The following HTR4 variants were observed in gnomAD, a reference collection of about 807,000 sequenced individuals.
The protein encoded by HTR4 is 5-hydroxytryptamine receptor 4.
A neutral mutation model predicts 36.8 loss-of-function variants in HTR4; 16 were observed. The observed-to-expected ratio is 0.43, with a 90% CI of 0.29 to 0.66. HTR4 has a LOEUF of 0.66. Among genes scored for constraint, HTR4 ranks in the 30% least tolerant of loss-of-function variants. HTR4 has a pLI of 0.13. For missense variants in HTR4, 438 were observed against 490.9 expected, an observed-to-expected ratio of 0.89 and a Z score of 1.02; for synonymous variants, 189 against 185.1, an observed-to-expected ratio of 1.02 and a Z score of -0.17.
chr5:148,575,488 G>A (rs944693014), intron 2 of HTR4, among the ~76,000 whole-genome samples: 2 of 152,010 alleles, frequency 1.3e-5, no homozygotes, highest in Non-Finnish European at 2.9e-5. Context: ...ATTATGAACT[G>A]CTGTGGGAGC....
chr5:148,554,071 T>C (rs970661422), intron 2 of HTR4, among the ~76,000 whole-genome samples: 6 of 152,166 alleles, frequency 3.9e-5, no homozygotes, highest in African/African-American at 1.2e-4. Flanking sequence ...AGTTTGTTGT[T>C]GTTGTTGTTG....
intron 1 of HTR4, among the ~76,000 whole-genome samples, chr5:148,652,862 C>A (rs1396244247): frequency 6.6e-6 from 1 of 152,074 alleles, no homozygotes; most frequent in Non-Finnish European, 1.5e-5. Context: ...GCTAATGCTG[C>A]AAAACCTGTT....
At chr5:148,509,388 A>C in intron 6 of HTR4, 68 bp downstream of exon 6, 1 of 1,222,916 alleles carries the variant, frequency 8.2e-7, no homozygotes. Context: ...GGAAACAGAA[A>C]ACTGGAGCAT....
chr5:148,484,524 C>T (rs929941294), intron 6 of HTR4: 1 of 716,946 alleles, frequency 1.4e-6, no homozygotes, highest in Non-Finnish European at 2.2e-6. Flanking sequence ...AGGCTTCCAC[C>T]TATTCCCCAG....
chr5:148,556,343 G>A (rs1759952312), intron 2 of HTR4, among the ~76,000 whole-genome samples: 1 of 152,072 alleles, frequency 6.6e-6, no homozygotes, highest in African/African-American at 2.4e-5. Flanking sequence ...ATTTTTTGTG[G>A]GCTTTTGCAC....
intron 5 of HTR4, among the ~76,000 whole-genome samples, chr5:148,461,333 C>T (rs1755273305): frequency 2.6e-5 from 4 of 151,764 alleles, no homozygotes; most frequent in Admixed American, 1.3e-4. Context: ...TTGTCAAAAT[C>T]GATCAGAAGT....
At chr5:148,463,700 T>G (rs924070036) in intron 5 of HTR4, among the ~76,000 whole-genome samples, 1 of 152,066 alleles carries the variant, frequency 6.6e-6, no homozygotes, top group African/African-American at 2.4e-5. Context: ...GTGAGGTTTT[T>G]TTTTTTTGTT....
At chr5:148,621,703 C>A (rs935117331) in intron 2 of HTR4, among the ~76,000 whole-genome samples, 3 of 152,068 alleles carry the variant, frequency 2.0e-5, no homozygotes, top group African/African-American at 7.2e-5. Flanking sequence ...AGAGCGATTC[C>A]ATGGATAATC....
chr5:148,458,594 GA>G (rs1561559242), intron 5 of HTR4, among the ~76,000 whole-genome samples: 1 of 152,110 alleles, frequency 6.6e-6, no homozygotes, highest in African/African-American at 2.4e-5. Flanking sequence ...CTGAGGAAGC[GA>G]CAGGAGATGA....
At chr5:148,513,343 T>C (rs1757585194) in intron 5 of HTR4, among the ~76,000 whole-genome samples, 1 of 152,194 alleles carries the variant, frequency 6.6e-6, no homozygotes, top group African/African-American at 2.4e-5. Context: ...CTGTATGGTA[T>C]GATGTACAAG....
intron 2 of HTR4, among the ~76,000 whole-genome samples, chr5:148,600,351 T>A (rs7719322): frequency 0.12 from 9,862 of 79,072 alleles, 531 homozygotes; most frequent in South Asian, 0.24. Context: ...ATATATATAT[T>A]TTTTTTTCAC....
intron 5 of HTR4, among the ~76,000 whole-genome samples, chr5:148,512,170 T>A (rs1277043844): frequency 6.6e-6 from 1 of 152,224 alleles, no homozygotes; most frequent in Non-Finnish European, 1.5e-5. Context: ...AGTTTCAATC[T>A]GAGTAAGTCA....
intron 2 of HTR4, among the ~76,000 whole-genome samples, chr5:148,613,593 T>G (rs533070451): frequency 1.2e-4 from 18 of 150,214 alleles, no homozygotes; most frequent in African/African-American, 4.2e-4. Context: ...GGGCAAAAAC[T>G]GGAAGCATTC....
chr5:148,613,350 T>G (rs1255241211), intron 2 of HTR4, among the ~76,000 whole-genome samples: 1 of 138,874 alleles, frequency 7.2e-6, no homozygotes, highest in Non-Finnish European at 1.6e-5. Flanking sequence ...GTGGGCTTCA[T>G]CCCTGGGATG....
intron 2 of HTR4, among the ~76,000 whole-genome samples, chr5:148,602,350 G>A (rs1229259960): frequency 6.6e-6 from 1 of 151,932 alleles, no homozygotes; most frequent in African/African-American, 2.4e-5. Flanking sequence ...TTTAATATTT[G>A]GAAATTATGC....
At chr5:148,613,727 GA>G (rs1460319803) in intron 2 of HTR4, among the ~76,000 whole-genome samples, 1 of 148,476 alleles carries the variant, frequency 6.7e-6, no homozygotes, top group Non-Finnish European at 1.5e-5. Flanking sequence ...ATTAGGAAAA[GA>G]GGAAGTCAAA....
intron 2 of HTR4, among the ~76,000 whole-genome samples, chr5:148,576,133 A>AAAAAAAAAAC (rs1760905014): frequency 6.8e-6 from 1 of 147,496 alleles, no homozygotes; most frequent in Non-Finnish European, 1.5e-5. Context: ...AAAAAAAAAA[A>AAAAAAAAAAC]CAAAATCAAT....
chr5:148,595,134 C>T (rs1233623763), intron 2 of HTR4, among the ~76,000 whole-genome samples: 2 of 151,134 alleles, frequency 1.3e-5, no homozygotes, highest in African/African-American at 2.4e-5. Context: ...GTGAGCATTT[C>T]TAACTGCAAA....
intron 6 of HTR4, among the ~76,000 whole-genome samples, chr5:148,499,467 G>A (rs1034423031): frequency 6.6e-6 from 1 of 152,070 alleles, no homozygotes; most frequent in African/African-American, 2.4e-5. Context: ...TTGCCCCCAT[G>A]GTTGAATTTT....
Sources: gnomAD v4.1 joint callset for allele counts (sites outside exome capture counted in the v4.1 genomes callset) on GRCh38, gnomAD v4.1.1 for gene constraint, MANE v1.5 for transcripts, NCBI Gene and HGNC (gene_info 2026-07-23, HGNC 2026-07-21) for gene names.